CBLB: variants seen among roughly 807,000 people sequenced by gnomAD.
CBLB encodes E3 ubiquitin-protein ligase CBL-B.
Under a neutral mutation model 104.9 loss-of-function variants are expected in CBLB, and 31 were observed. The observed-to-expected ratio is 0.30, with a 90% CI of 0.22 to 0.40. The LOEUF (loss-of-function observed/expected upper bound fraction) is 0.40, where lower values mean the gene tolerates loss of function less well. Among genes scored for constraint, CBLB ranks in the 10% least tolerant of loss-of-function variants. CBLB has a pLI of 1.00. For synonymous variants in CBLB, 440 were observed against 422.6 expected (o/e 1.04, Z -0.51); for missense variants, 1,062 against 1,214.6 (o/e 0.87, Z 1.87).
intron 17 of CBLB, among the ~76,000 whole-genome samples, chr3:105,677,712 T>C (rs1522287): frequency 0.57 from 86,326 of 150,764 alleles, 25,488 homozygotes; most frequent in Middle Eastern, 0.68. Flanking sequence ...ATGCAACAGA[T>C]AGTTTATTAA....
chr3:105,851,225 T>C (rs145576993), intron 3 of CBLB, among the ~76,000 whole-genome samples: 35 of 152,108 alleles, frequency 2.3e-4, no homozygotes, highest in Non-Finnish European at 4.9e-4. Flanking sequence ...TACCAAGTTA[T>C]GAAAAGACAT....
chr3:105,834,668 A>AAG (rs2088155896), intron 3 of CBLB, among the ~76,000 whole-genome samples: 2 of 151,692 alleles, frequency 1.3e-5, no homozygotes, highest in Non-Finnish European at 2.9e-5. Flanking sequence ...AAAAGAAAAG[A>AAG]AAATCAAGTA....
At chr3:105,763,368 G>T (rs1211111911) in intron 4 of CBLB, among the ~76,000 whole-genome samples, 4 of 152,200 alleles carry the variant, frequency 2.6e-5, no homozygotes, top group Admixed American at 6.5e-5. Flanking sequence ...ACATCGTTTG[G>T]CTGTGTCCCC....
At chr3:105,835,225 T>G (rs965651852) in intron 3 of CBLB, among the ~76,000 whole-genome samples, 1 of 152,180 alleles carries the variant, frequency 6.6e-6, no homozygotes, top group Non-Finnish European at 1.5e-5. Flanking sequence ...TCATGAATAG[T>G]TCTAAAAACG....
chr3:105,806,327 C>T (rs1389763085), intron 3 of CBLB, among the ~76,000 whole-genome samples: 1 of 151,942 alleles, frequency 6.6e-6, no homozygotes, highest in Non-Finnish European at 1.5e-5. Flanking sequence ...ACAAACTTAA[C>T]CGTATTTACC....
intron 4 of CBLB, among the ~76,000 whole-genome samples, chr3:105,770,786 A>C (rs1480069707): frequency 6.6e-6 from 1 of 152,142 alleles, no homozygotes; most frequent in Non-Finnish European, 1.5e-5. Flanking sequence ...CTGGATCTAA[A>C]CCAAGCATTG....
chr3:105,679,138 TATG>T (rs2065996038), intron 16 of CBLB, among the ~76,000 whole-genome samples: 2 of 152,082 alleles, frequency 1.3e-5, no homozygotes, highest in African/African-American at 4.8e-5. Context: ...GAGCAGAGAA[TATG>T]ATATTTTTCA....
At chr3:105,702,610 T>C (rs974195813) in intron 11 of CBLB, 151 bp from the exon 12 acceptor site, 8 of 770,054 alleles carry the variant, frequency 1.0e-5, no homozygotes, top group African/African-American at 3.5e-5. Flanking sequence ...TTTTAATAAG[T>C]TGCTTTTATT....
upstream of CBLB, chr3:105,869,356 G>C: frequency 7.5e-7 from 1 of 1,341,042 alleles, no homozygotes; most frequent in Non-Finnish European, 9.9e-7. Flanking sequence ...GTGGCAGGTG[G>C]GCGTGAGCGT....
chr3:105,721,547 T>C (rs2072827075), intron 9 of CBLB, among the ~76,000 whole-genome samples: 1 of 152,162 alleles, frequency 6.6e-6, no homozygotes, highest in Non-Finnish European at 1.5e-5. Context: ...TTCTTATTCA[T>C]CTGCTTGTAC....
intron 18 of CBLB, among the ~76,000 whole-genome samples, chr3:105,663,008 G>A (rs1038530540): frequency 1.4e-5 from 2 of 140,220 alleles, no homozygotes; most frequent in Non-Finnish European, 3.1e-5. Context: ...ACTTGAGACC[G>A]TCACTACGAG....
upstream of CBLB, chr3:105,869,373 C>G: frequency 7.4e-7 from 1 of 1,342,558 alleles, no homozygotes; most frequent in South Asian, 1.2e-5. Context: ...GCGTCGGGAC[C>G]GGGAGCCAAA....
At chr3:105,797,928 C>A (rs1271050419) in intron 3 of CBLB, among the ~76,000 whole-genome samples, 1 of 152,208 alleles carries the variant, frequency 6.6e-6, no homozygotes, top group East Asian at 1.9e-4. Context: ...AAGAGCAAGG[C>A]AGTTTCCCCT....
At chr3:105,841,636 T>C (rs1014998982) in intron 3 of CBLB, among the ~76,000 whole-genome samples, 1 of 151,310 alleles carries the variant, frequency 6.6e-6, no homozygotes, top group Non-Finnish European at 1.5e-5. Context: ...TGTATTTTTA[T>C]TACAGACAGG....
chr3:105,677,774 T>TTAGTATATTTA (rs2065832176), intron 17 of CBLB, among the ~76,000 whole-genome samples: 1 of 149,720 alleles, frequency 6.7e-6, no homozygotes, highest in Admixed American at 6.7e-5. Flanking sequence ...TATACTAATA[T>TTAGTATATTTA]AAAAAATTAG....
At chr3:105,754,245 T>C (rs1225873318) in intron 4 of CBLB, among the ~76,000 whole-genome samples, 1 of 152,086 alleles carries the variant, frequency 6.6e-6, no homozygotes, top group African/African-American at 2.4e-5. Flanking sequence ...TTCTAAACTG[T>C]TGCACTAAGG....
Position 105,659,123 on chromosome 3 carries a change from G to A in CBLB, c.2796C>T (p.Val932=), listed in dbSNP as rs375241472. The change falls in exon 19 of 19, where the codon GTC becomes GTT. Residue 932 remains valine, a synonymous_variant. Transcript: ENST00000394030. ...CCATGAGTTTTGCAATTTTTGCATC[G>A]ACATTTTCCAATGCCGCCTCAGGCC... ...PHGPEAALEN[V]DAKIAKLMGE... is the part of the protein sequence containing the mutation. The A allele has an allele frequency of 8.7e-6, 14 of 1,613,730 alleles. No homozygotes were observed. The African/African-American group carries it at 1.3e-4, about 15-fold the overall frequency.
At chr3:105,778,385 G>A (rs1280303943) in intron 3 of CBLB, among the ~76,000 whole-genome samples, 1 of 151,992 alleles carries the variant, frequency 6.6e-6, no homozygotes, top group African/African-American at 2.4e-5. Context: ...ATATGCACCT[G>A]ACAATAAAAT....
intron 3 of CBLB, among the ~76,000 whole-genome samples, chr3:105,805,671 T>C (rs1411234238): frequency 6.6e-6 from 1 of 152,174 alleles, no homozygotes; most frequent in Non-Finnish European, 1.5e-5. Context: ...AAAAACCCTT[T>C]ACATGTCTTA....
Sources: gnomAD v4.1 joint callset for allele counts (sites outside exome capture counted in the v4.1 genomes callset) on GRCh38, gnomAD v4.1.1 for gene constraint, MANE v1.5 for transcripts, NCBI Gene and HGNC (gene_info 2026-07-23, HGNC 2026-07-21) for gene names.